The following GALNT16 variants were observed in gnomAD, a reference collection of about 807,000 sequenced individuals.
The protein encoded by GALNT16 is polypeptide N-acetylgalactosaminyltransferase 16.
A neutral mutation model predicts 76.1 loss-of-function variants in GALNT16; 40 were observed. The ratio of observed to expected loss-of-function variants is 0.53; its 90% CI spans 0.41 to 0.68. The LOEUF (loss-of-function observed/expected upper bound fraction) is 0.68, where lower values mean the gene tolerates loss of function less well. Ranked by LOEUF, GALNT16 falls within the 30% of genes least tolerant of loss-of-function variation. The pLI, the probability that GALNT16 is intolerant of heterozygous loss-of-function variation, is 0.00. For missense variants in GALNT16, 621 were observed against 731.9 expected (o/e 0.85, Z 1.75); for synonymous variants, 276 against 285.2 (o/e 0.97, Z 0.32).
rs371437529 is a variant in GALNT16, at chr14:69,318,086, A to G, written c.178-2625A>G. Among the ~76,000 whole-genome samples the G allele has an allele frequency of 3.2e-4, 49 of 152,328 alleles. 1 individual carries two copies. The South Asian group carries it at 0.01, about 32-fold the overall frequency. On this transcript the variant is annotated intron_variant, in intron 1 of 14. Transcript: ENST00000448469. ...AACTGACATTTCAGCTCCAACCCCAAGGAACAGCAGGGTCATCCTGAAAGG... is the reference window on the plus strand; with the variant it reads ...AACTGACATTTCAGCTCCAACCCCAGGGAACAGCAGGGTCATCCTGAAAGG...
At position 69,333,930 on chromosome 14, in the gene GALNT16, G is replaced by T. The variant is rs2140181907; in HGVS notation, c.967+330G>T. ...TCACAGACCACAGCTTACACACGTG[G>T]CTGCTTCCCTACCAGCAAGGCTGGG... On this transcript the variant is annotated intron_variant, in intron 9 of 14. Coordinates refer to ENST00000448469, the MANE Select transcript of GALNT16 (RefSeq NM_001168368.2). This position sits in a 1 kb window ranked among gnomAD's most constrained non-coding sequence, Gnocchi z 4.2. Among the ~76,000 whole-genome samples, 1 of 152,262 alleles carries T rather than the reference G, an allele frequency of 6.6e-6. No homozygotes were observed.
intron 1 of GALNT16, among the ~76,000 whole-genome samples, chr14:69,268,285 A>T (rs1363121356): frequency 6.6e-6 from 1 of 152,236 alleles, no homozygotes; most frequent in Non-Finnish European, 1.5e-5. Flanking sequence ...ACAGGCATGG[A>T]ATTGCCCATA....
intron 1 of GALNT16, among the ~76,000 whole-genome samples, chr14:69,285,914 C>T (rs775529051): frequency 6.6e-6 from 1 of 152,202 alleles, no homozygotes; most frequent in Admixed American, 6.5e-5. Context: ...AGATCTGCCT[C>T]ATGGCCCCTC....
intron 1 of GALNT16, among the ~76,000 whole-genome samples, chr14:69,270,346 G>T (rs1334645655): frequency 6.6e-6 from 1 of 152,158 alleles, no homozygotes; most frequent in Non-Finnish European, 1.5e-5. Context: ...AGGTTCGATG[G>T]CTCCCTCAGT....
intron 1 of GALNT16, among the ~76,000 whole-genome samples, chr14:69,305,132 C>CT (rs34469974): frequency 0.22 from 28,889 of 133,932 alleles, 3,473 homozygotes; most frequent in East Asian, 0.43. Context: ...CAACACTTGT[C>CT]TTTTTTTTTT....
At position 69,312,403 on chromosome 14, in the gene GALNT16, C is replaced by T. The variant is rs1594842418; in HGVS notation, c.178-8308C>T. Among the ~76,000 whole-genome samples the T allele has an allele frequency of 2.6e-5, 4 of 152,150 alleles. No homozygotes were observed. The South Asian group carries it at 6.2e-4, about 24-fold the overall frequency. On this transcript the variant is annotated intron_variant, in intron 1 of 14. Coordinates refer to ENST00000448469, the MANE Select transcript of GALNT16 (RefSeq NM_001168368.2). The stretch of plus-strand genomic sequence containing the variant: ...GCACCGACCTGGACCCCATGTTAGC[C>T]CAGAGGGTGTTTCTTGGGGCCTCAG...
At chr14:69,262,883 CTT>C (rs5809423) in intron 1 of GALNT16, among the ~76,000 whole-genome samples, 201 of 138,852 alleles carry the variant, frequency 1.4e-3, no homozygotes, top group Middle Eastern at 3.6e-3. Flanking sequence ...TTCTTTTTTT[CTT>C]TTTTTTTTTT....
At position 69,311,678 on chromosome 14, in the gene GALNT16, A is replaced by G. The variant is rs531686123; in HGVS notation, c.178-9033A>G. Among the ~76,000 whole-genome samples, 5 of 152,334 alleles carry G rather than the reference A, an allele frequency of 3.3e-5. No individual in the cohort carries two copies. In the East Asian group the frequency reaches 7.7e-4, roughly 23 times the overall value. ...CTAAATTTGACCCACAGTGCCAATA[A>G]TGTGCCATATCGGCCACTACTCTGT... On this transcript the variant is annotated intron_variant, in intron 1 of 14. Transcript: ENST00000448469.
intron 1 of GALNT16, among the ~76,000 whole-genome samples, chr14:69,287,033 T>G (rs1267439461): frequency 6.6e-6 from 1 of 152,132 alleles, no homozygotes; most frequent in Non-Finnish European, 1.5e-5. Context: ...GTAGCCCCCA[T>G]CAGTGAATCA....
chr14:69,301,994 C>T (rs1350714829), intron 1 of GALNT16, among the ~76,000 whole-genome samples: 1 of 152,240 alleles, frequency 6.6e-6, no homozygotes, highest in South Asian at 2.1e-4. Context: ...CAAACACACA[C>T]ACAGAAAACA....
chr14:69,334,848 G>A (rs912362651), intron 9 of GALNT16, among the ~76,000 whole-genome samples: 2 of 152,096 alleles, frequency 1.3e-5, no homozygotes, highest in Non-Finnish European at 2.9e-5. Context: ...AGACGGGGGC[G>A]GTGGGGAGCA....
At position 69,322,926 on chromosome 14, in the gene GALNT16, GTGTGTGTGT is replaced by G. The variant is rs1212743205; in HGVS notation, c.336-1765_336-1757del. On this transcript the variant is annotated intron_variant, in intron 2 of 14. Transcript: ENST00000448469. The stretch of plus-strand genomic sequence containing the variant: ...AAAGAAAGCTGAGGTGGCTCACGGG[GTGTGTGTGT>G]GTGTGTGTGTGTGTGTGTGTGTGTG... Among the ~76,000 whole-genome samples, 225 of 27,720 alleles carry G rather than the reference GTGTGTGTGT, an allele frequency of 8.1e-3. 4 individuals are homozygous for G. The highest frequency in any genetic ancestry group is 0.03 in the South Asian group (46 of 1,536). The allele number at this position is 27,720 out of a possible 152,430, so 18.2% of individuals were successfully genotyped here. A position where few individuals can be genotyped will look rare whatever the true frequency, so the allele number is the denominator to read the frequency against.
Position 69,333,753 on chromosome 14 carries a change from C to A in GALNT16, c.967+153C>A, listed in dbSNP as rs937060439. The A allele has an allele frequency of 2.5e-5, 14 of 571,400 alleles. No homozygotes were observed. Among genetic ancestry groups the A allele is most frequent in the East Asian group, 1.9e-4 (6 of 31,728 alleles). The allele number at this position is 571,400 out of a possible 1,614,324, so 35.4% of individuals were successfully genotyped here. A position where few individuals can be genotyped will look rare whatever the true frequency, so the allele number is the denominator to read the frequency against. ...CTCAAGGACCCTCTGAGGTAAGTAC[C>A]ATGATCTCCATTTTACTGATTTTAA... On this transcript the variant is annotated intron_variant, in intron 9 of 14. Transcript: ENST00000448469. This position sits in a 1 kb window ranked among gnomAD's most constrained non-coding sequence, Gnocchi z 4.2.
intron 1 of GALNT16, among the ~76,000 whole-genome samples, chr14:69,318,659 C>T (rs1003911733): frequency 5.3e-5 from 8 of 152,148 alleles, no homozygotes; most frequent in South Asian, 4.1e-4. Flanking sequence ...ACAGAGTGGC[C>T]GTAAGTCCTA....
At chr14:69,342,371 G>A (rs1194669788) in intron 12 of GALNT16, among the ~76,000 whole-genome samples, 1 of 150,556 alleles carries the variant, frequency 6.6e-6, no homozygotes, top group Non-Finnish European at 1.5e-5. Flanking sequence ...GCTGCAGTGA[G>A]CCCTGGTTAT....
At position 69,333,256 on chromosome 14, in the gene GALNT16, G is replaced by T; in HGVS notation, c.863+87G>T. The T allele has an allele frequency of 2.3e-6, 2 of 881,262 alleles. No homozygotes were observed. The highest frequency in any genetic ancestry group is 3.6e-6 in the Non-Finnish European group (2 of 559,084). 54.6% of individuals were successfully genotyped at this position (881,262 alleles called of 1,614,324 possible). A position where few individuals can be genotyped will look rare whatever the true frequency, so the allele number is the denominator to read the frequency against. On this transcript the variant is annotated intron_variant, in intron 8 of 14. Coordinates refer to ENST00000448469, the MANE Select transcript of GALNT16 (RefSeq NM_001168368.2). This position sits in a 1 kb window ranked among gnomAD's most constrained non-coding sequence, Gnocchi z 4.2. ...TCTTGGGAGGCTGTATCGGTCGCTT[G>T]GGCTCCTGAGGCGCACTAAGTGCTG...
intron 1 of GALNT16, among the ~76,000 whole-genome samples, chr14:69,295,707 G>A (rs1176799550): frequency 6.6e-6 from 1 of 152,088 alleles, no homozygotes; most frequent in Non-Finnish European, 1.5e-5. Context: ...GCGACAGAGC[G>A]AGACTCCATC....
downstream of GALNT16, among the ~76,000 whole-genome samples, chr14:69,360,112 G>A (rs1290679479): frequency 6.6e-6 from 1 of 152,160 alleles, no homozygotes; most frequent in Non-Finnish European, 1.5e-5. Flanking sequence ...CAGCACTTTG[G>A]GAGGCTAAGG....
At chr14:69,346,549 A>G (rs2045566858) in intron 12 of GALNT16, among the ~76,000 whole-genome samples, 1 of 152,208 alleles carries the variant, frequency 6.6e-6, no homozygotes, top group African/African-American at 2.4e-5. Flanking sequence ...GTGTGTACAA[A>G]TGTACATACA....
Sources: gnomAD v4.1 joint callset for allele counts (sites outside exome capture counted in the v4.1 genomes callset) on GRCh38, gnomAD v4.1.1 for gene constraint, Gnocchi (gnomAD v3.1) non-coding constraint, MANE v1.5 for transcripts, NCBI Gene and HGNC (gene_info 2026-07-23, HGNC 2026-07-21) for gene names.